MCTP1: variants seen among roughly 807,000 people sequenced by gnomAD.
MCTP1 encodes the protein multiple C2 and transmembrane domain containing 1.
In MCTP1, 69 loss-of-function variants were observed where a neutral mutation model predicts 120.6. The observed-to-expected ratio is 0.57, with a 90% CI of 0.47 to 0.70. MCTP1 has a LOEUF of 0.70. MCTP1 is among the 30% of genes least tolerant of loss of function. The pLI is 0.00. For synonymous variants in MCTP1, 529 were observed against 493.1 expected (o/e 1.07, Z -0.96); for missense variants, 1,203 against 1,248.8 (o/e 0.96, Z 0.55).
intron 12 of MCTP1, among the ~76,000 whole-genome samples, chr5:94,879,137 A>G (rs1581161890): frequency 6.6e-6 from 1 of 152,146 alleles, no homozygotes; most frequent in East Asian, 1.9e-4. Context: ...CAGAGAAGTA[A>G]TGGGGAATAA....
intron 1 of MCTP1, among the ~76,000 whole-genome samples, chr5:95,073,136 C>A (rs76507218): frequency 0.026 from 3,994 of 152,254 alleles, 153 homozygotes; most frequent in African/African-American, 0.088. Flanking sequence ...GCTTGCAAGG[C>A]CTTCTTTCAG....
At chr5:94,733,507 T>C (rs1763532067) in intron 19 of MCTP1, among the ~76,000 whole-genome samples, 1 of 152,248 alleles carries the variant, frequency 6.6e-6, no homozygotes, top group South Asian at 2.1e-4. Flanking sequence ...ACAAGTAATA[T>C]TCCCTTCTCA....
chr5:95,107,499 A>G (rs1757162352), intron 1 of MCTP1, among the ~76,000 whole-genome samples: 1 of 152,258 alleles, frequency 6.6e-6, no homozygotes, highest in Admixed American at 6.5e-5. Context: ...CAAAGATAAA[A>G]TAAGAATTAG....
intron 11 of MCTP1, 33 bp downstream of exon 11, chr5:94,894,616 G>GT (rs1554130339): frequency 3.4e-6 from 5 of 1,471,506 alleles, no homozygotes; most frequent in Non-Finnish European, 4.6e-6. Context: ...CTAGTCACAT[G>GT]TGTCTCTGGA....
intron 10 of MCTP1, 44 bp downstream of exon 10, chr5:94,909,207 A>G (rs780208914): frequency 1.7e-5 from 27 of 1,590,748 alleles, no homozygotes; most frequent in Non-Finnish European, 2.2e-5. Context: ...TTCTTTTAAT[A>G]AAAATGCTCT....
intron 17 of MCTP1, among the ~76,000 whole-genome samples, chr5:94,804,465 G>A (rs1176775840): frequency 6.6e-6 from 1 of 151,864 alleles, no homozygotes; most frequent in East Asian, 1.9e-4. Context: ...TTTTGAGATG[G>A]AGTCTTGCTG....
At position 94,894,845 on chromosome 5, in the gene MCTP1, A is replaced by G. The variant is rs1312450558; in HGVS notation, c.1653-10T>C. On this transcript the variant is annotated splice_polypyrimidine_tract_variant and intron_variant, in intron 10 of 22. Transcript: ENST00000515393. Reference sequence around the variant, plus strand: ...CAGGTCGACCTGGCACCTAGAGACAAATGTTTTGAATCAGCAAGTGGCTTT... The same window carrying G: ...CAGGTCGACCTGGCACCTAGAGACAGATGTTTTGAATCAGCAAGTGGCTTT... 1.3e-6 allele frequency: 2 copies of G among 1,498,884 alleles called. No homozygotes were observed. The highest frequency in any genetic ancestry group is 1.8e-6 in the Non-Finnish European group (2 of 1,117,108). The allele number at this position is 1,498,884 out of a possible 1,614,324, so 92.8% of individuals were successfully genotyped here. A position where few individuals can be genotyped will look rare whatever the true frequency, so the allele number is the denominator to read the frequency against.
chr5:94,904,230 C>A (rs1014414953), intron 10 of MCTP1, among the ~76,000 whole-genome samples: 4 of 152,134 alleles, frequency 2.6e-5, no homozygotes, highest in Admixed American at 1.3e-4. Flanking sequence ...ATGCTGAATA[C>A]AAGAGTGTGA....
At chr5:94,943,973 C>T (rs979350752) in intron 3 of MCTP1, among the ~76,000 whole-genome samples, 1 of 152,098 alleles carries the variant, frequency 6.6e-6, no homozygotes, top group African/African-American at 2.4e-5. Context: ...CCCAGCACTC[C>T]TATGCTCAAT....
chr5:94,926,051 T>A (rs1813014436), intron 6 of MCTP1, among the ~76,000 whole-genome samples: 2 of 152,214 alleles, frequency 1.3e-5, no homozygotes, highest in Admixed American at 1.3e-4. Flanking sequence ...AAGGACAGTT[T>A]ATTTTTTTCT....
intron 1 of MCTP1, among the ~76,000 whole-genome samples, chr5:95,107,926 T>C (rs139399229): frequency 6.6e-6 from 1 of 152,288 alleles, no homozygotes; most frequent in African/African-American, 2.4e-5. Context: ...TCTGCCATGG[T>C]GGTTTGCTGC....
intron 1 of MCTP1, among the ~76,000 whole-genome samples, chr5:95,166,549 T>G (rs1307555173): frequency 6.6e-6 from 1 of 150,448 alleles, no homozygotes; most frequent in Non-Finnish European, 1.5e-5. Flanking sequence ...AAAACTTATT[T>G]ACCACCCTAA....
At chr5:95,022,554 G>T (rs557253386) in intron 1 of MCTP1, among the ~76,000 whole-genome samples, 1 of 152,138 alleles carries the variant, frequency 6.6e-6, no homozygotes, top group Non-Finnish European at 1.5e-5. Flanking sequence ...AATTGAAAAT[G>T]AATTATGCTA....
At chr5:95,103,916 C>A (rs868203694) in intron 1 of MCTP1, among the ~76,000 whole-genome samples, 1 of 152,072 alleles carries the variant, frequency 6.6e-6, no homozygotes. Flanking sequence ...AAAGGTTAAA[C>A]GTGTAAGATT....
chr5:95,211,426 C>T (rs1752358316), intron 1 of MCTP1, among the ~76,000 whole-genome samples: 1 of 152,122 alleles, frequency 6.6e-6, no homozygotes, highest in Non-Finnish European at 1.5e-5. Flanking sequence ...TAATTCATTT[C>T]ATCTTCCATC....
chr5:95,090,616 G>A lies in MCTP1; in HGVS notation c.721-73132C>T, dbSNP rs549451605. ...CTGACGTTGCTCCTCTCTACTCATC[G>A]CTGCTACTTGGTATTGCAGGACCAG... On this transcript the variant is annotated intron_variant, in intron 1 of 22. Coordinates refer to ENST00000515393, the MANE Select transcript of MCTP1 (RefSeq NM_024717.7). Among the ~76,000 whole-genome samples the A allele has an allele frequency of 1.5e-4, 23 of 152,248 alleles. No homozygotes were observed. In the South Asian group the frequency reaches 3.3e-3, roughly 22 times the overall value.
intron 1 of MCTP1, among the ~76,000 whole-genome samples, chr5:95,142,858 G>A (rs935938407): frequency 7.2e-5 from 11 of 152,142 alleles, no homozygotes; most frequent in Admixed American, 3.3e-4. Context: ...GGGTATGGGA[G>A]GAGATAAACT....
At chr5:95,282,345 T>C (rs182857939) in intron 1 of MCTP1, among the ~76,000 whole-genome samples, 47 of 152,342 alleles carry the variant, frequency 3.1e-4, no homozygotes, top group African/African-American at 1.0e-3. Flanking sequence ...TAAGTTAACA[T>C]TCACGGTAAT....
At chr5:94,995,810 G>A (rs1171611355) in intron 2 of MCTP1, among the ~76,000 whole-genome samples, 1 of 152,058 alleles carries the variant, frequency 6.6e-6, no homozygotes, top group East Asian at 1.9e-4. Context: ...CACACAAATG[G>A]AAGTAAAAAA....
Sources: allele counts gnomAD v4.1 joint callset (sites outside exome capture counted in the v4.1 genomes callset), GRCh38; gene constraint gnomAD v4.1.1; transcripts MANE v1.5; gene names NCBI Gene and HGNC (gene_info 2026-07-23, HGNC 2026-07-21).